The following MBD5 variants were observed in gnomAD, a reference collection of about 807,000 sequenced individuals.
MBD5 encodes the protein methyl-CpG-binding domain protein 5.
A neutral mutation model predicts 117.3 loss-of-function variants in MBD5; 13 were observed. The observed-to-expected ratio is 0.11, with a 90% CI of 0.07 to 0.18. MBD5 has a LOEUF of 0.18. Among genes scored for constraint, MBD5 ranks in the 10% least tolerant of loss-of-function variants. The pLI, the probability that MBD5 is intolerant of heterozygous loss-of-function variation, is 1.00. For missense variants in MBD5, 1,879 were observed against 2,093.8 expected, an observed-to-expected ratio of 0.90 and a Z score of 2.00; for synonymous variants, 727 against 766.4, an observed-to-expected ratio of 0.95 and a Z score of 0.85.
chr2:148,492,447 A>G (rs1681558830), intron 11 of MBD5, among the ~76,000 whole-genome samples: 1 of 152,018 alleles, frequency 6.6e-6, no homozygotes, highest in Non-Finnish European at 1.5e-5. Flanking sequence ...TAATTCAGAG[A>G]ATTTAATTTA....
intron 4 of MBD5, among the ~76,000 whole-genome samples, chr2:148,353,542 C>G (rs1703299129): frequency 6.6e-6 from 1 of 152,040 alleles, no homozygotes; most frequent in Non-Finnish European, 1.5e-5. Flanking sequence ...CTCACCCAAC[C>G]CTACCTCCAC....
At chr2:148,372,307 C>G (rs1327450550) in intron 4 of MBD5, among the ~76,000 whole-genome samples, 4 of 152,150 alleles carry the variant, frequency 2.6e-5, no homozygotes, top group African/African-American at 7.2e-5. Context: ...CATTAGAGAT[C>G]TAAAATAATA....
chr2:148,216,856 C>T (rs961005443), intron 2 of MBD5, among the ~76,000 whole-genome samples: 6 of 152,078 alleles, frequency 3.9e-5, no homozygotes, highest in African/African-American at 1.4e-4. Context: ...GAAAAGAAAC[C>T]CAGCTGCACA....
intron 1 of MBD5, among the ~76,000 whole-genome samples, chr2:148,082,158 A>G (rs1695663249): frequency 6.6e-6 from 1 of 152,132 alleles, no homozygotes; most frequent in African/African-American, 2.4e-5. Flanking sequence ...AGAAAGCAAA[A>G]TTTCTTTTCA....
chr2:148,272,406 A>G lies in MBD5; in HGVS notation c.-680+39011A>G, dbSNP rs541065366. On this transcript the variant is annotated intron_variant, in intron 3 of 13. Coordinates refer to ENST00000642680, the MANE Select transcript of MBD5 (RefSeq NM_001378120.1). Reference sequence around the variant, plus strand: ...TAATTAACATTTCTACTTACAGTGTACAAACATTCTCATTTCTCTACATCC... The same window carrying G: ...TAATTAACATTTCTACTTACAGTGTGCAAACATTCTCATTTCTCTACATCC... 4.6e-4 allele frequency among the ~76,000 whole-genome samples: 70 copies of G among 152,308 alleles called. 3 individuals carry two copies. The South Asian group carries it at 0.014, about 32-fold the overall frequency.
chr2:148,202,118 T>A (rs941206795), intron 2 of MBD5, among the ~76,000 whole-genome samples: 10 of 152,178 alleles, frequency 6.6e-5, no homozygotes, highest in African/African-American at 2.4e-4. Flanking sequence ...GGAGCTGGCA[T>A]AAACAGTGAA....
intron 1 of MBD5, among the ~76,000 whole-genome samples, chr2:148,127,590 C>G (rs575644298): frequency 6.6e-6 from 1 of 152,178 alleles, no homozygotes; most frequent in Non-Finnish European, 1.5e-5. Context: ...GCATCGTATT[C>G]CATGGTATAT....
chr2:148,304,089 C>A (rs529959973), intron 3 of MBD5, among the ~76,000 whole-genome samples: 1 of 152,056 alleles, frequency 6.6e-6, no homozygotes, highest in African/African-American at 2.4e-5. Context: ...CAGATCTCCC[C>A]GATTCCTAGG....
chr2:148,185,630 G>A (rs1698635429), intron 2 of MBD5, among the ~76,000 whole-genome samples: 1 of 152,124 alleles, frequency 6.6e-6, no homozygotes, highest in Non-Finnish European at 1.5e-5. Context: ...GCTCAGGTGT[G>A]GTGGCTCATG....
At chr2:148,384,316 AACAG>A (rs1704267525) in intron 4 of MBD5, among the ~76,000 whole-genome samples, 1 of 151,564 alleles carries the variant, frequency 6.6e-6, no homozygotes, top group Non-Finnish European at 1.5e-5. Flanking sequence ...ATACACCAAT[AACAG>A]ACAAACAGAG....
intron 3 of MBD5, among the ~76,000 whole-genome samples, chr2:148,312,436 C>T (rs921099583): frequency 2.6e-5 from 4 of 152,062 alleles, no homozygotes; most frequent in Admixed American, 6.5e-5. Flanking sequence ...TCCACTTGAT[C>T]GATTCGGCTA....
intron 4 of MBD5, among the ~76,000 whole-genome samples, chr2:148,402,065 A>G (rs947770067): frequency 4.6e-5 from 7 of 152,138 alleles, no homozygotes; most frequent in African/African-American, 7.2e-5. Context: ...ATTACATCTT[A>G]TTATTGATGA....
intron 3 of MBD5, among the ~76,000 whole-genome samples, chr2:148,339,270 T>G (rs75645130): frequency 0.019 from 2,825 of 152,148 alleles, 93 homozygotes; most frequent in African/African-American, 0.065. Context: ...AAAAATCTTG[T>G]TTTTTTCACA....
intron 4 of MBD5, among the ~76,000 whole-genome samples, chr2:148,376,570 A>G (rs1387129758): frequency 6.7e-6 from 1 of 150,202 alleles, no homozygotes; most frequent in Non-Finnish European, 1.5e-5. Context: ...CCCGGCCAAA[A>G]ATATTCATGT....
intron 1 of MBD5, among the ~76,000 whole-genome samples, chr2:148,147,671 G>C (rs1301775892): frequency 6.6e-6 from 1 of 152,082 alleles, no homozygotes; most frequent in African/African-American, 2.4e-5. Flanking sequence ...CTTAAAACCT[G>C]TATTCTTTGT....
At chr2:148,172,533 C>A (rs1698287095) in intron 1 of MBD5, among the ~76,000 whole-genome samples, 1 of 152,140 alleles carries the variant, frequency 6.6e-6, no homozygotes, top group African/African-American at 2.4e-5. Context: ...CAGGAATAGC[C>A]TGGCTGCCCT....
At chr2:148,245,739 A>G (rs956847384) in intron 3 of MBD5, among the ~76,000 whole-genome samples, 1 of 152,126 alleles carries the variant, frequency 6.6e-6, no homozygotes, top group African/African-American at 2.4e-5. Context: ...TAACTCTCCC[A>G]CCATTAATCA....
intron 4 of MBD5, among the ~76,000 whole-genome samples, chr2:148,443,402 C>G (rs1018342320): frequency 6.6e-6 from 1 of 151,234 alleles, no homozygotes; most frequent in Non-Finnish European, 1.5e-5. Context: ...GGTAGATACC[C>G]AAAAGAATGG....
At chr2:148,426,608 G>C (rs2105308256) in intron 4 of MBD5, among the ~76,000 whole-genome samples, 1 of 152,216 alleles carries the variant, frequency 6.6e-6, no homozygotes, top group East Asian at 1.9e-4. Context: ...TATGTAGAAA[G>C]CTGAAACTGG....
Sources: allele counts gnomAD v4.1 joint callset (sites outside exome capture counted in the v4.1 genomes callset), GRCh38; gene constraint gnomAD v4.1.1; transcripts MANE v1.5; gene names NCBI Gene and HGNC (gene_info 2026-07-23, HGNC 2026-07-21).